Variants in ELOF1 observed in about 807,000 individuals in gnomAD.
The protein encoded by ELOF1 is transcription elongation factor 1 homolog.
In ELOF1, 4 loss-of-function variants were observed where a neutral mutation model predicts 7.1. That is an observed-to-expected ratio of 0.56 (90% confidence interval 0.28 to 1.29). The LOEUF (loss-of-function observed/expected upper bound fraction) is 1.29. Among genes scored for constraint, ELOF1 ranks in the 50% most tolerant of loss-of-function variants. The pLI, the probability that ELOF1 is intolerant of heterozygous loss-of-function variation, is 0.10. For synonymous variants in ELOF1, 31 were observed against 31.9 expected (o/e 0.97, Z 0.09); for missense variants, 59 against 86.3 (o/e 0.68, Z 1.25).
intron 1 of ELOF1, chr19:11,555,196 G>C (rs1442824426): frequency 4.3e-6 from 1 of 232,020 alleles, no homozygotes; most frequent in East Asian, 1.7e-4. Flanking sequence ...GGCGGAGACT[G>C]CAGTGAGCCG....
chr19:11,558,441 A>T (rs578240045), intron 1 of ELOF1, among the ~76,000 whole-genome samples: 1 of 151,806 alleles, frequency 6.6e-6, no homozygotes, highest in Non-Finnish European at 1.5e-5. Context: ...TAAATCACTC[A>T]ATCAGTTTGC....
At chr19:11,553,538 ACACACCCACACTCACT>A (rs1183491721) in intron 3 of ELOF1, 33 of 642,022 alleles carry the variant, frequency 5.1e-5, no homozygotes, top group Admixed American at 2.4e-4. Context: ...GTGCAGCCAC[ACACACCCACACTCACT>A]CACACCCACA....
intron 3 of ELOF1, chr19:11,553,553 CT>C: frequency 1.5e-6 from 1 of 682,442 alleles, no homozygotes; most frequent in South Asian, 1.8e-5. Flanking sequence ...CCCACACTCA[CT>C]CACACCCACA....
rs1972828176 is a variant in ELOF1 at position 11,556,000 on chromosome 19, G to T, written c.-18-1635C>A. On this transcript the variant is annotated intron_variant, in intron 1 of 3. Coordinates refer to ENST00000586683, the Ensembl canonical transcript of ELOF1. Reference sequence around the variant, plus strand: ...CACATAGGAAGGACAGGGTTTTGGAGAAAATGATGGGGTTGGGTGGCAGAG... The same window carrying T: ...CACATAGGAAGGACAGGGTTTTGGATAAAATGATGGGGTTGGGTGGCAGAG... Among the ~76,000 whole-genome samples, 3 of 152,128 alleles carry T rather than the reference G, an allele frequency of 2.0e-5. No homozygotes were observed. In the South Asian group the frequency reaches 6.2e-4, roughly 31 times the overall value.
At chr19:11,553,720 G>A (rs1055077740) in intron 3 of ELOF1, 4 of 1,613,986 alleles carry the variant, frequency 2.5e-6, no homozygotes, top group Admixed American at 1.7e-5. Context: ...ACGCGGGGCT[G>A]CTCAGGGGGC....
At chr19:11,556,982 CCT>C (rs1972843090) in intron 1 of ELOF1, among the ~76,000 whole-genome samples, 1 of 152,176 alleles carries the variant, frequency 6.6e-6, no homozygotes, top group South Asian at 2.1e-4. Context: ...CTTGTTATTA[CCT>C]CTCTCCTCAT....
intron 1 of ELOF1, chr19:11,554,764 AG>A (rs1397966661): frequency 4.7e-6 from 1 of 214,562 alleles, no homozygotes; most frequent in Non-Finnish European, 9.1e-6. Flanking sequence ...CAACATAGTG[AG>A]GCCTCATCTC....
chr19:11,555,963 T>A (rs1239022416), intron 1 of ELOF1, among the ~76,000 whole-genome samples: 6 of 152,066 alleles, frequency 3.9e-5, no homozygotes, highest in Non-Finnish European at 8.8e-5. Context: ...GGCATCATTC[T>A]CTGATGTCTA....
intron 1 of ELOF1, among the ~76,000 whole-genome samples, chr19:11,558,076 A>G (rs1972859151): frequency 6.6e-6 from 1 of 152,134 alleles, no homozygotes; most frequent in Non-Finnish European, 1.5e-5. Flanking sequence ...TAAACATATC[A>G]TGTCCAAAAC....
At chr19:11,554,248 A>G in exon 2 of ELOF1, 6 of 1,613,350 alleles carry the variant, frequency 3.7e-6, no homozygotes, top group Non-Finnish European at 5.1e-6. Context: ...ACATCACAGG[A>G]TTTCTCGTGG....
chr19:11,557,567 G>T (rs1400557918), intron 1 of ELOF1, among the ~76,000 whole-genome samples: 5 of 139,188 alleles, frequency 3.6e-5, no homozygotes, highest in Non-Finnish European at 7.5e-5. Flanking sequence ...CCGCACTCCA[G>T]CCTGGGCAAC....
At chr19:11,557,049 CT>C (rs1972844037) in intron 1 of ELOF1, among the ~76,000 whole-genome samples, 2 of 152,180 alleles carry the variant, frequency 1.3e-5, no homozygotes, top group African/African-American at 4.8e-5. Flanking sequence ...ATCCTTTTCT[CT>C]GCAGGCTGTT....
intron 3 of ELOF1, chr19:11,553,725 G>A: frequency 4.3e-6 from 7 of 1,613,830 alleles, no homozygotes; most frequent in South Asian, 1.1e-5. Context: ...GGGCTGCTCA[G>A]GGGGCGGGTC....
chr19:11,558,446 G>A (rs112600246), intron 1 of ELOF1, among the ~76,000 whole-genome samples: 76 of 151,336 alleles, frequency 5.0e-4, no homozygotes, highest in African/African-American at 1.7e-3. Context: ...CACTCAATCA[G>A]TTTGCTTGTA....
chr19:11,558,744 T>C (rs79758508), intron 1 of ELOF1, among the ~76,000 whole-genome samples: 5 of 142,400 alleles, frequency 3.5e-5, no homozygotes, highest in African/African-American at 7.8e-5. Flanking sequence ...AAAAAAAAAG[T>C]CCAAACAAAA....
intron 1 of ELOF1, among the ~76,000 whole-genome samples, chr19:11,556,046 C>T (rs186628174): frequency 3.3e-4 from 50 of 152,134 alleles, no homozygotes; most frequent in Admixed American, 1.6e-3. Flanking sequence ...GAACAGATGT[C>T]CAGGAGGCAG....
intron 2 of ELOF1, 52 bp from the exon 3 acceptor site, chr19:11,554,133 G>C: frequency 6.2e-7 from 1 of 1,614,132 alleles, no homozygotes; most frequent in Non-Finnish European, 8.5e-7. Context: ...TGGGCCTGTG[G>C]GTGATGACGC....
intron 1 of ELOF1, among the ~76,000 whole-genome samples, chr19:11,557,825 G>A (rs1266129541): frequency 3.3e-5 from 5 of 151,392 alleles, no homozygotes; most frequent in African/African-American, 7.3e-5. Flanking sequence ...CCTGGGAGGC[G>A]GAGGTTGCAG....
chr19:11,557,067 T>C (rs1599620833), intron 1 of ELOF1, among the ~76,000 whole-genome samples: 1 of 152,184 alleles, frequency 6.6e-6, no homozygotes, highest in Non-Finnish European at 1.5e-5. Flanking sequence ...TGTTTTAGTG[T>C]ACAGCCATCT....
Sources: gnomAD v4.1 joint callset for allele counts (sites outside exome capture counted in the v4.1 genomes callset) on GRCh38, gnomAD v4.1.1 for gene constraint, MANE v1.5 for transcripts, NCBI Gene and HGNC (gene_info 2026-07-23, HGNC 2026-07-21) for gene names.